Variants in FRRS1 observed in about 807,000 individuals in gnomAD.
The protein encoded by FRRS1 is ferric chelate reductase 1, also known as ferric reductase 1.
In FRRS1, 51 loss-of-function variants were observed where a neutral mutation model predicts 70.7. The ratio of observed to expected loss-of-function variants is 0.72; its 90% CI spans 0.58 to 0.91. The LOEUF is 0.91. Ranked by LOEUF, FRRS1 falls within the 40% of genes least tolerant of loss-of-function variation. The pLI is 0.00. For missense variants in FRRS1, 672 were observed against 726.0 expected, an observed-to-expected ratio of 0.93 and a Z score of 0.86; for synonymous variants, 225 against 238.7, an observed-to-expected ratio of 0.94 and a Z score of 0.53.
chr1:99,742,178 C>G lies in FRRS1; in HGVS notation c.428+1G>C. 1 of 1,587,558 alleles carries G rather than the reference C, an allele frequency of 6.3e-7. No individual in the cohort carries two copies. Among genetic ancestry groups the G allele is most frequent in the East Asian group, 2.2e-5 (1 of 44,758 alleles). On this transcript the variant is annotated splice_donor_variant, in intron 5 of 16. Coordinates refer to ENST00000646001, the MANE Select transcript of FRRS1 (RefSeq NM_001361041.2). LOFTEE classifies it high-confidence loss of function. ...CCAGAATTATAAACTCTTATACTCA[C>G]AGAAACTGTGTGTGATTTGGAGCAC... is the stretch of plus-strand genomic sequence containing the variant.
chr1:99,752,223 T>C (rs1656604624), intron 1 of FRRS1, among the ~76,000 whole-genome samples: 2 of 152,226 alleles, frequency 1.3e-5, no homozygotes, highest in African/African-American at 4.8e-5. Context: ...AACTTTCTCT[T>C]TGCATTTACA....
intron 1 of FRRS1, among the ~76,000 whole-genome samples, chr1:99,754,904 G>A (rs2814046): frequency 0.49 from 75,166 of 151,940 alleles, 22,615 homozygotes; most frequent in African/African-American, 0.85. Flanking sequence ...AGGAGCTACT[G>A]AGTAAACAGC....
rs1177857493 is a variant in FRRS1 at position 99,706,768 on chromosome 1, C to G, written c.*2260G>C. 6.6e-6 allele frequency among the ~76,000 whole-genome samples: 1 copy of G among 151,986 alleles called. No individual in the cohort carries two copies. The highest frequency in any genetic ancestry group is 1.9e-4 in the East Asian group (1 of 5,158). On this transcript the variant is annotated 3_prime_UTR_variant, in exon 17 of 17. Transcript: ENST00000646001. ...AATTAGCCGAGACTGGTGGTGCACA[C>G]CTGTAGTCCCAGCTATTCAGGAGAC...
intron 7 of FRRS1, among the ~76,000 whole-genome samples, chr1:99,730,652 G>A (rs11166311): frequency 0.47 from 70,742 of 151,960 alleles, 19,988 homozygotes; most frequent in African/African-American, 0.8. Flanking sequence ...CAGATCACGA[G>A]GTCAGGAGAT....
At chr1:99,764,496 A>G (rs1268627758) in intron 1 of FRRS1, among the ~76,000 whole-genome samples, 1 of 152,056 alleles carries the variant, frequency 6.6e-6, no homozygotes, top group Non-Finnish European at 1.5e-5. Context: ...TCTTTTTTCT[A>G]TTTTCAAACA....
intron 1 of FRRS1, among the ~76,000 whole-genome samples, chr1:99,752,097 T>G (rs537408327): frequency 2.0e-5 from 3 of 152,218 alleles, no homozygotes; most frequent in African/African-American, 7.2e-5. Flanking sequence ...CTTAAGGAAA[T>G]GTTGTGGTTG....
chr1:99,736,367 A>G (rs1040506600), intron 7 of FRRS1, among the ~76,000 whole-genome samples: 12 of 152,136 alleles, frequency 7.9e-5, no homozygotes, highest in Admixed American at 1.3e-4. Flanking sequence ...TTTTAAGTAC[A>G]TGGTATCTTT....
rs1172493835 is a variant in FRRS1 at position 99,704,048 on chromosome 1, T to A, written c.*4980A>T. On this transcript the variant is annotated 3_prime_UTR_variant, in exon 17 of 17. Coordinates refer to ENST00000646001, the MANE Select transcript of FRRS1 (RefSeq NM_001361041.2). ...TATTTTTTATAAAAAGTATACATTT[T>A]ACATGCAAAATTTATTAAGTTTAAC... is the stretch of plus-strand genomic sequence containing the variant. 6.6e-6 allele frequency among the ~76,000 whole-genome samples: 1 copy of A among 152,200 alleles called. No individual in the cohort carries two copies. Among genetic ancestry groups the A allele is most frequent in the Non-Finnish European group, 1.5e-5 (1 of 68,042 alleles).
At chr1:99,726,830 C>T (rs983981724) in intron 9 of FRRS1, among the ~76,000 whole-genome samples, 3 of 152,178 alleles carry the variant, frequency 2.0e-5, no homozygotes, top group Admixed American at 2.0e-4. Context: ...CCTCAGCCTC[C>T]TGAGTAGCTA....
At chr1:99,748,139 C>T (rs1223424993) in intron 3 of FRRS1, 8 of 154,924 alleles carry the variant, frequency 5.2e-5, no homozygotes, top group Non-Finnish European at 9.3e-5. Flanking sequence ...TACCTGTTAA[C>T]ATTTTGCATT....
Position 99,747,065 on chromosome 1 carries a change from T to G in FRRS1, c.333+229A>C, listed in dbSNP as rs543395744. Among the ~76,000 whole-genome samples the G allele has an allele frequency of 6.6e-5, 10 of 152,028 alleles. No homozygotes were observed. The South Asian group carries it at 1.7e-3, about 25-fold the overall frequency. ...TTCTCTTATTTTCTTAATAAGATTTTTCTCTTGTCTAGCTTACTTTATTGT... is the reference window on the plus strand; with the variant it reads ...TTCTCTTATTTTCTTAATAAGATTTGTCTCTTGTCTAGCTTACTTTATTGT... On this transcript the variant is annotated intron_variant, in intron 4 of 16. Coordinates refer to ENST00000646001, the MANE Select transcript of FRRS1 (RefSeq NM_001361041.2).
chr1:99,747,291 A>C lies in FRRS1; in HGVS notation c.333+3T>G. On this transcript the variant is annotated splice_donor_region_variant and intron_variant, in intron 4 of 16. Transcript: ENST00000646001. ...TGTTCAAGGATCAACTCTAAACACAAACCTGTATATCTTCACAGGTCAAAA... is the reference window on the plus strand; with the variant it reads ...TGTTCAAGGATCAACTCTAAACACACACCTGTATATCTTCACAGGTCAAAA... 1.2e-6 allele frequency: 2 copies of C among 1,610,282 alleles called. No individual in the cohort carries two copies. The highest frequency in any genetic ancestry group is 8.5e-7 in the Non-Finnish European group (1 of 1,178,198).
At chr1:99,732,488 T>C (rs1393713582) in intron 7 of FRRS1, among the ~76,000 whole-genome samples, 1 of 152,140 alleles carries the variant, frequency 6.6e-6, no homozygotes, top group Non-Finnish European at 1.5e-5. Flanking sequence ...AGACAAATTA[T>C]GTATGGCCAG....
rs1300500579 is a variant in FRRS1, at chr1:99,707,318, T to G, written c.*1710A>C. On this transcript the variant is annotated 3_prime_UTR_variant, in exon 17 of 17. Coordinates refer to ENST00000646001, the MANE Select transcript of FRRS1 (RefSeq NM_001361041.2). ...TAGGCTACATAGCTGAGGCTATTATTCACACCATATAGAAATTAGGTTCTC... is the reference window on the plus strand; with the variant it reads ...TAGGCTACATAGCTGAGGCTATTATGCACACCATATAGAAATTAGGTTCTC... 1.3e-5 allele frequency among the ~76,000 whole-genome samples: 2 copies of G among 152,078 alleles called. No individual in the cohort carries two copies. The highest frequency in any genetic ancestry group is 4.8e-5 in the African/African-American group (2 of 41,442).
chr1:99,740,505 T>C (rs1235996588), intron 6 of FRRS1, among the ~76,000 whole-genome samples: 1 of 152,250 alleles, frequency 6.6e-6, no homozygotes, highest in African/African-American at 2.4e-5. Flanking sequence ...TTTGCTCACA[T>C]AGAGAAAACT....
At chr1:99,759,881 A>T (rs1657033656) in intron 1 of FRRS1, among the ~76,000 whole-genome samples, 1 of 152,192 alleles carries the variant, frequency 6.6e-6, no homozygotes, top group East Asian at 1.9e-4. Context: ...TAGGATTTGA[A>T]CCAAAATCTA....
rs1653976733 is a variant in FRRS1 at position 99,704,456 on chromosome 1, A to G, written c.*4572T>C. ...GGGAAGGGCGTGGTCCCTTTAAATA[A>G]CAGGAAAGGAGGGAAAGGAAGTGCT... is the stretch of plus-strand genomic sequence containing the variant. On this transcript the variant is annotated 3_prime_UTR_variant, in exon 17 of 17. Coordinates refer to ENST00000646001, the MANE Select transcript of FRRS1 (RefSeq NM_001361041.2). Among the ~76,000 whole-genome samples, 1 of 152,068 alleles carries G rather than the reference A, an allele frequency of 6.6e-6. No individual in the cohort carries two copies. The highest frequency in any genetic ancestry group is 1.9e-4 in the East Asian group (1 of 5,178).
At chr1:99,762,890 T>C (rs147116582) in intron 1 of FRRS1, among the ~76,000 whole-genome samples, 1 of 152,260 alleles carries the variant, frequency 6.6e-6, no homozygotes, top group East Asian at 1.9e-4. Context: ...TTCCATTCTA[T>C]TACATTTGTC....
At chr1:99,757,977 A>C (rs1447685366) in intron 1 of FRRS1, among the ~76,000 whole-genome samples, 1 of 151,898 alleles carries the variant, frequency 6.6e-6, no homozygotes, top group Non-Finnish European at 1.5e-5. Context: ...AGAATCACAA[A>C]AACAGTCTAT....
Sources: gnomAD v4.1 joint callset for allele counts (sites outside exome capture counted in the v4.1 genomes callset) on GRCh38, gnomAD v4.1.1 for gene constraint, MANE v1.5 for transcripts, NCBI Gene and HGNC (gene_info 2026-07-23, HGNC 2026-07-21) for gene names.